Variants in APOBEC3F observed in about 807,000 individuals in gnomAD.
APOBEC3F encodes the protein DNA dC->dU-editing enzyme APOBEC-3F.
Under a neutral mutation model 45.8 loss-of-function variants are expected in APOBEC3F, and 34 were observed. That is an observed-to-expected ratio of 0.74 (90% CI 0.57 to 0.99). The LOEUF (loss-of-function observed/expected upper bound fraction) is 0.99. APOBEC3F is among the 50% of genes least tolerant of loss of function. The probability of loss-of-function intolerance (pLI) is 0.00; values close to 1 mark genes in which losing one functional copy is unlikely to be tolerated. For synonymous variants in APOBEC3F, 192 were observed against 174.4 expected, an observed-to-expected ratio of 1.10 and a Z score of -0.80; for missense variants, 459 against 474.1, an observed-to-expected ratio of 0.97 and a Z score of 0.30.
At chr22:39,046,495 C>A (rs1406042648) in intron 4 of APOBEC3F, among the ~76,000 whole-genome samples, 1 of 152,148 alleles carries the variant, frequency 6.6e-6, no homozygotes, top group Non-Finnish European at 1.5e-5. Flanking sequence ...ATGGCTTCCC[C>A]ACCCAACAGC....
At chr22:39,047,578 C>T (rs1237513785) in intron 4 of APOBEC3F, among the ~76,000 whole-genome samples, 1 of 152,170 alleles carries the variant, frequency 6.6e-6, no homozygotes, top group Non-Finnish European at 1.5e-5. Context: ...TGCTGGGCCT[C>T]AGCCTGGCCT....
At chr22:39,047,431 A>AG (rs1399522477) in intron 4 of APOBEC3F, among the ~76,000 whole-genome samples, 2 of 152,078 alleles carry the variant, frequency 1.3e-5, no homozygotes, top group Non-Finnish European at 2.9e-5. Context: ...CCTGGAAGAT[A>AG]AAATAGAACC....
At chr22:39,047,104 G>A (rs1927261405) in intron 4 of APOBEC3F, among the ~76,000 whole-genome samples, 1 of 152,090 alleles carries the variant, frequency 6.6e-6, no homozygotes, top group Non-Finnish European at 1.5e-5. Flanking sequence ...CAGGAGATGT[G>A]GAAGGAAGGA....
In APOBEC3F at chr22:39,052,638, A is replaced by G. The variant is rs746267285; in HGVS notation, c.1065A>G (p.Lys355=). 1 of 1,614,174 alleles carries G rather than the reference A, an allele frequency of 6.2e-7. No individual in the cohort carries two copies. The highest frequency in any genetic ancestry group is 1.3e-5 in the African/African-American group (1 of 75,066). Residue 355 remains lysine, a synonymous_variant, in exon 7 of 7, where the codon AAA becomes AAG. Coordinates refer to ENST00000308521, the MANE Select transcript of APOBEC3F (RefSeq NM_145298.6). ...ATGATGAGCCATTCAAGCCTTGGAAAGGACTAAAATACAACTTTCTATTCC... is the reference window on the plus strand; with the variant it reads ...ATGATGAGCCATTCAAGCCTTGGAAGGGACTAAAATACAACTTTCTATTCC... ...YNDDEPFKPW[K]GLKYNFLFLD...
intron 4 of APOBEC3F, 88 bp from the exon 5 acceptor site, chr22:39,049,337 G>C: frequency 6.9e-7 from 1 of 1,454,088 alleles, no homozygotes; most frequent in South Asian, 1.3e-5. Flanking sequence ...ACATTCCCAG[G>C]GCTGTCCAGT....
At position 39,043,007 on chromosome 22, in the gene APOBEC3F, C is replaced by T. The variant is rs1316507478; in HGVS notation, c.88C>T (p.Arg30Trp). 10 of 1,614,140 alleles carry T rather than the reference C, an allele frequency of 6.2e-6. No homozygotes were observed. The highest frequency in any genetic ancestry group is 4.5e-5 in the East Asian group (2 of 44,874). Residue 30 changes from arginine to tryptophan, a missense_variant, in exon 2 of 7, where the codon CGG becomes TGG. By Grantham distance (101) the Arg-to-Trp change is moderately radical (BLOSUM62 -3). Transcript: ENST00000308521. ...TTATAATAGACCCATCCTTTCTCGT[C>T]GGAATACCGTCTGGCTGTGCTACGA... ...NFYNRPILSR[R>W]NTVWLCYEVK...
intron 2 of APOBEC3F, among the ~76,000 whole-genome samples, chr22:39,043,899 C>G (rs988584697): frequency 1.3e-5 from 2 of 151,984 alleles, no homozygotes; most frequent in Non-Finnish European, 2.9e-5. Flanking sequence ...GTGGCAGTCG[C>G]CTGTAATCCC....
rs1161067786 is a variant in APOBEC3F at position 39,040,952 on chromosome 22, C to G, written c.-9C>G. 7 of 1,577,698 alleles carry G rather than the reference C, an allele frequency of 4.4e-6. No individual in the cohort carries two copies. The highest frequency in any genetic ancestry group is 6.0e-6 in the Non-Finnish European group (7 of 1,161,394). ...GACAAAGATCTTAGTCGGGACTAGC[C>G]GGCCAAGGATGAAGCCTCACTTCAG... On this transcript the variant is annotated 5_prime_UTR_variant, in exon 1 of 7. Coordinates refer to ENST00000308521, the MANE Select transcript of APOBEC3F (RefSeq NM_145298.6).
intron 4 of APOBEC3F, among the ~76,000 whole-genome samples, chr22:39,048,115 T>C (rs1210401263): frequency 2.0e-5 from 3 of 152,126 alleles, no homozygotes; most frequent in Non-Finnish European, 2.9e-5. Flanking sequence ...GGAAAAAATA[T>C]GATGATCAGG....
chr22:39,042,608 A>G (rs1360877507), intron 1 of APOBEC3F, among the ~76,000 whole-genome samples: 1 of 152,136 alleles, frequency 6.6e-6, no homozygotes, highest in Non-Finnish European at 1.5e-5. Flanking sequence ...CATAATGTCC[A>G]GCCAAGAACT....
rs1305986755 is a variant in APOBEC3F, at chr22:39,041,071, G to T, written c.17+94G>T. On this transcript the variant is annotated intron_variant, in intron 1 of 6. Coordinates refer to ENST00000308521, the MANE Select transcript of APOBEC3F (RefSeq NM_145298.6). Reference sequence around the variant, plus strand: ...TCAGCCCTGGCCTCCCCCTGCCCCAGCCCCAGCCCTGGGCTCCCTCCCCTC... The same window carrying T: ...TCAGCCCTGGCCTCCCCCTGCCCCATCCCCAGCCCTGGGCTCCCTCCCCTC... 9 of 1,528,700 alleles carry T rather than the reference G, an allele frequency of 5.9e-6. No individual in the cohort carries two copies. In the East Asian group the frequency reaches 1.5e-4, roughly 25 times the overall value. 94.7% of individuals were successfully genotyped at this position (1,528,700 alleles called of 1,614,324 possible).
In APOBEC3F at chr22:39,049,496, G is replaced by A. The variant is rs771806377; in HGVS notation, c.638G>A (p.Arg213Gln). The change falls in exon 5 of 7, where the codon CGG becomes CAG. Residue 213 changes from arginine to glutamine, a missense_variant. Transcript: ENST00000308521. ...HFKNLRKAYG[R>Q]NESWLCFTME... ...AAAAACCTACGCAAAGCCTATGGTC[G>A]GAACGAAAGCTGGCTGTGCTTCACC... The A allele has an allele frequency of 1.7e-5, 27 of 1,613,876 alleles. No individual in the cohort carries two copies. The highest frequency in any genetic ancestry group is 1.3e-4 in the South Asian group (12 of 91,076).
chr22:39,051,264 T>C (rs4821863), intron 5 of APOBEC3F, among the ~76,000 whole-genome samples: 149,789 of 151,564 alleles, frequency 0.99, 74,024 homozygotes, highest in East Asian at 1. Context: ...AACGGCCAGG[T>C]GCAGTGGTTC....
At position 39,049,480 on chromosome 22, in the gene APOBEC3F, C is replaced by T. The variant is rs1247334506; in HGVS notation, c.622C>T (p.Arg208Cys). 7 of 1,613,974 alleles carry T rather than the reference C, an allele frequency of 4.3e-6. No homozygotes were observed. The highest frequency in any genetic ancestry group is 4.2e-6 in the Non-Finnish European group (5 of 1,180,020). ...HIFYFHFKNL[R>C]KAYGRNESWL... ...ATTCTACTTCCACTTTAAAAACCTA[C>T]GCAAAGCCTATGGTCGGAACGAAAG... The change falls in exon 5 of 7, where the codon CGC (arginine) becomes TGC (cysteine). Residue 208 changes from arginine to cysteine, a missense_variant. Coordinates refer to ENST00000308521, the MANE Select transcript of APOBEC3F (RefSeq NM_145298.6).
intron 4 of APOBEC3F, among the ~76,000 whole-genome samples, chr22:39,048,800 C>T (rs1474355298): frequency 3.3e-5 from 5 of 150,188 alleles, no homozygotes; most frequent in Admixed American, 2.0e-4. Flanking sequence ...ACTGAGACCC[C>T]GTATAAAAAT....
At position 39,055,912 on chromosome 22, in the gene APOBEC3F, C is replaced by T. The variant is rs1409401692; in HGVS notation, c.*3217C>T. On this transcript the variant is annotated 3_prime_UTR_variant, in exon 7 of 7. Transcript: ENST00000308521. ...GGCCAGGGACTTCTTCAGGGAGCTCCAATCTTCAGATGCAAGTCTGTCAAC... is the reference window on the plus strand; with the variant it reads ...GGCCAGGGACTTCTTCAGGGAGCTCTAATCTTCAGATGCAAGTCTGTCAAC... 6.6e-6 allele frequency among the ~76,000 whole-genome samples: 1 copy of T among 152,178 alleles called. No homozygotes were observed. Among genetic ancestry groups the T allele is most frequent in the Admixed American group, 6.6e-5 (1 of 15,264 alleles).
chr22:39,054,828 TC>T lies in APOBEC3F; in HGVS notation c.*2136del, dbSNP rs1252936749. Among the ~76,000 whole-genome samples the T allele has an allele frequency of 6.6e-6, 1 of 152,142 alleles. No homozygotes were observed. The highest frequency in any genetic ancestry group is 1.5e-5 in the Non-Finnish European group (1 of 68,034). ...AGAATGAGATTCTCTATAAAAATGA[TC>T]CCTTCATGCTGTGGCCTCCACAGAA... On this transcript the variant is annotated 3_prime_UTR_variant, in exon 7 of 7. Transcript: ENST00000308521.
intron 5 of APOBEC3F, 79 bp downstream of exon 5, chr22:39,049,660 T>C: frequency 1.3e-6 from 2 of 1,514,468 alleles, no homozygotes; most frequent in Non-Finnish European, 9.0e-7. Flanking sequence ...GTGACGTGCC[T>C]GGCGTGGGCT....
chr22:39,040,942 C>G lies in APOBEC3F; in HGVS notation c.-19C>G, dbSNP rs779374395. On this transcript the variant is annotated 5_prime_UTR_variant, in exon 1 of 7. Transcript: ENST00000308521. ...TGGTGCTCCAGACAAAGATCTTAGTCGGGACTAGCCGGCCAAGGATGAAGC... is the reference window on the plus strand; with the variant it reads ...TGGTGCTCCAGACAAAGATCTTAGTGGGGACTAGCCGGCCAAGGATGAAGC... 1 of 1,571,778 alleles carries G rather than the reference C, an allele frequency of 6.4e-7. No individual in the cohort carries two copies. Among genetic ancestry groups the G allele is most frequent in the Non-Finnish European group, 8.6e-7 (1 of 1,157,968 alleles).
Sources: allele counts gnomAD v4.1 joint callset (sites outside exome capture counted in the v4.1 genomes callset), GRCh38; gene constraint gnomAD v4.1.1; transcripts MANE v1.5; gene names NCBI Gene and HGNC (gene_info 2026-07-23, HGNC 2026-07-21).